Variants in ARHGAP8 observed in about 807,000 individuals in gnomAD.
The protein encoded by ARHGAP8 is Rho GTPase activating protein 8, also known as rho GTPase-activating protein 8.
In ARHGAP8, 62 loss-of-function variants were observed where a neutral mutation model predicts 46.1. That is an observed-to-expected ratio of 1.34 (90% CI 1.10 to 1.66). The LOEUF (loss-of-function observed/expected upper bound fraction) is 1.66, where lower values mean the gene tolerates loss of function less well. Among genes scored for constraint, ARHGAP8 ranks in the 40% most tolerant of loss-of-function variants. The pLI, the probability that ARHGAP8 is intolerant of heterozygous loss-of-function variation, is 0.00. For missense variants in ARHGAP8, 923 were observed against 568.4 expected (o/e 1.62, Z -6.34); for synonymous variants, 375 against 243.1 (o/e 1.54, Z -5.05).
chr22:44,785,753 CATGAGA>C (rs1927172788), intron 1 of ARHGAP8, among the ~76,000 whole-genome samples: 1 of 152,170 alleles, frequency 6.6e-6, no homozygotes, highest in Non-Finnish European at 1.5e-5. Flanking sequence ...ATTGGTTTTG[CATGAGA>C]ACCTCCCCTG....
At chr22:44,815,101 T>G (rs1929642022) in intron 5 of ARHGAP8, among the ~76,000 whole-genome samples, 1 of 152,226 alleles carries the variant, frequency 6.6e-6, no homozygotes, top group South Asian at 2.1e-4. Flanking sequence ...TGTTGTGGTC[T>G]GTTACAGAGA....
rs116193652 is a variant in ARHGAP8 at position 44,857,382 on chromosome 22, C to T, written c.878-2349C>T. 2.7e-3 allele frequency among the ~76,000 whole-genome samples: 405 copies of T among 152,304 alleles called. 1 individual carries two copies. Among genetic ancestry groups the T allele is most frequent in the African/African-American group, 9.3e-3 (385 of 41,568 alleles). On this transcript the variant is annotated intron_variant, in intron 10 of 11. Coordinates refer to ENST00000356099, the MANE Select transcript of ARHGAP8 (RefSeq NM_181335.3). Reference sequence around the variant, plus strand: ...CAGGGAGGGTCAAAATCTTTTCCTTCTCCCCATCTTAGGTTCCTTGGTGGG... The same window carrying T: ...CAGGGAGGGTCAAAATCTTTTCCTTTTCCCCATCTTAGGTTCCTTGGTGGG...
In ARHGAP8 at chr22:44,844,856, C is replaced by G. The variant is rs146159721; in HGVS notation, c.597-413C>G. Among the ~76,000 whole-genome samples the G allele has an allele frequency of 4.9e-3, 739 of 152,254 alleles. 4 individuals are homozygous for G. Among genetic ancestry groups the G allele is most frequent in the African/African-American group, 0.017 (692 of 41,532 alleles). ...CTGAGTTTTTTAATTGAATCAATAT[C>G]CAGTCCAGGGCTTCTTATTCTGCCC... On this transcript the variant is annotated intron_variant, in intron 7 of 11. Coordinates refer to ENST00000356099, the MANE Select transcript of ARHGAP8 (RefSeq NM_181335.3).
chr22:44,841,135 C>A (rs1050454526), intron 7 of ARHGAP8, among the ~76,000 whole-genome samples: 3 of 152,122 alleles, frequency 2.0e-5, no homozygotes, highest in African/African-American at 7.2e-5. Context: ...CCGTGGCCCT[C>A]GTAGGGAACG....
At chr22:44,792,262 G>C (rs190322611) in intron 2 of ARHGAP8, among the ~76,000 whole-genome samples, 1 of 151,944 alleles carries the variant, frequency 6.6e-6, no homozygotes, top group African/African-American at 2.4e-5. Context: ...CACCTGCCTC[G>C]GCCTCCCAAA....
chr22:44,755,351 C>T (rs1055507285), intron 1 of ARHGAP8, among the ~76,000 whole-genome samples: 1 of 152,210 alleles, frequency 6.6e-6, no homozygotes, highest in Non-Finnish European at 1.5e-5. Context: ...CGGAGCCTGC[C>T]GGTGACTACC....
At chr22:44,860,367 C>A (rs906541160) in intron 11 of ARHGAP8, among the ~76,000 whole-genome samples, 1 of 152,062 alleles carries the variant, frequency 6.6e-6, no homozygotes, top group African/African-American at 2.4e-5. Flanking sequence ...AGGGAAGGTT[C>A]CCCTTCCTGG....
At chr22:44,768,465 A>G (rs554117033) in intron 1 of ARHGAP8, among the ~76,000 whole-genome samples, 1 of 135,572 alleles carries the variant, frequency 7.4e-6, no homozygotes, top group South Asian at 2.3e-4. Context: ...ACACTTGGCT[A>G]ATTTTTTTTT....
chr22:44,762,835 T>G lies in ARHGAP8; in HGVS notation c.-72+10208T>G, dbSNP rs191957035. On this transcript the variant is annotated intron_variant, in intron 1 of 11. Coordinates refer to ENST00000356099, the MANE Select transcript of ARHGAP8 (RefSeq NM_181335.3). ...CTGGGATTACAGGCATGAGCCACCG[T>G]TCCCAGCGATTATGAGCTCTCTTGA... is the stretch of plus-strand genomic sequence containing the variant. Among the ~76,000 whole-genome samples the G allele has an allele frequency of 1.4e-3, 213 of 152,150 alleles. 1 individual carries two copies. The highest frequency in any genetic ancestry group is 4.7e-3 in the African/African-American group (195 of 41,514).
intron 1 of ARHGAP8, among the ~76,000 whole-genome samples, chr22:44,759,096 G>A (rs1924919879): frequency 6.6e-6 from 1 of 152,208 alleles, no homozygotes; most frequent in Admixed American, 6.5e-5. Context: ...GGGTGACCCT[G>A]GAGTGTGGGT....
intron 7 of ARHGAP8, among the ~76,000 whole-genome samples, chr22:44,837,786 T>C (rs1265498457): frequency 6.6e-6 from 1 of 152,072 alleles, no homozygotes; most frequent in Non-Finnish European, 1.5e-5. Context: ...GTTCTTCCGC[T>C]AGCTGTGAGA....
chr22:44,859,074 C>G (rs575897657), intron 10 of ARHGAP8, among the ~76,000 whole-genome samples: 1 of 150,896 alleles, frequency 6.6e-6, no homozygotes, highest in East Asian at 1.9e-4. Flanking sequence ...GTTTGCCAAC[C>G]CCTGGTCTAG....
At chr22:44,859,549 A>C (rs567262592) in intron 10 of ARHGAP8, 182 bp from the exon 11 acceptor site, 2 of 627,878 alleles carry the variant, frequency 3.2e-6, no homozygotes, top group South Asian at 1.9e-5. Flanking sequence ...AAGAATAGCC[A>C]AACACACAGG....
intron 5 of ARHGAP8, among the ~76,000 whole-genome samples, chr22:44,819,529 G>A (rs370452449): frequency 2.0e-5 from 3 of 152,156 alleles, no homozygotes; most frequent in East Asian, 1.9e-4. Context: ...AAAAATTAGC[G>A]GGGAGTGGTG....
intron 7 of ARHGAP8, among the ~76,000 whole-genome samples, chr22:44,834,700 G>A (rs1602242373): frequency 6.6e-6 from 1 of 152,000 alleles, no homozygotes; most frequent in Non-Finnish European, 1.5e-5. Flanking sequence ...TGAAAGTGGG[G>A]GATTGAAGTC....
intron 10 of ARHGAP8, among the ~76,000 whole-genome samples, chr22:44,852,254 T>C (rs890066014): frequency 5.6e-5 from 8 of 144,122 alleles, no homozygotes; most frequent in Non-Finnish European, 1.0e-4. Flanking sequence ...GGTGAAGACA[T>C]GGTTCAGCCC....
intron 2 of ARHGAP8, among the ~76,000 whole-genome samples, chr22:44,787,537 G>A (rs5766010): frequency 0.43 from 64,701 of 151,734 alleles, 14,139 homozygotes; most frequent in East Asian, 0.55. Context: ...TAGAGACGGG[G>A]TTTCGCCATT....
chr22:44,786,259 CTGGGTGCTCGGCTGAGGCAGGGCGCCTAG>C (rs1224292131), intron 1 of ARHGAP8, among the ~76,000 whole-genome samples, 169 bp from the exon 2 acceptor site: 149 of 141,156 alleles, frequency 1.1e-3, no homozygotes, highest in Non-Finnish European at 1.5e-3. Flanking sequence ...AGGGCGCGTA[CTGGGTGCTCGGCTGAGGCAGGGCGCCTAG>C]TGGGTGCTCG....
chr22:44,849,350 T>A (rs557987322), intron 10 of ARHGAP8: 103 of 427,322 alleles, frequency 2.4e-4, no homozygotes, highest in African/African-American at 2.0e-3. Context: ...CTCTCTAGAT[T>A]TGGGGCTCAT....
Sources: allele counts gnomAD v4.1 joint callset (sites outside exome capture counted in the v4.1 genomes callset), GRCh38; gene constraint gnomAD v4.1.1; transcripts MANE v1.5; gene names NCBI Gene and HGNC (gene_info 2026-07-23, HGNC 2026-07-21).